ITGA4: variants seen among roughly 807,000 people sequenced by gnomAD.
ITGA4 encodes integrin subunit alpha 4, also known as integrin alpha-4.
ITGA4 carries 63 observed loss-of-function variants against 133.6 expected under a neutral mutation model. The observed-to-expected ratio is 0.47, with a 90% CI of 0.38 to 0.58. The LOEUF is 0.58. Ranked by LOEUF, ITGA4 falls within the 20% of genes least tolerant of loss-of-function variation. ITGA4 has a pLI of 0.00. For synonymous variants in ITGA4, 483 were observed against 438.0 expected, an observed-to-expected ratio of 1.10 and a Z score of -1.28; for missense variants, 1,076 against 1,252.7, an observed-to-expected ratio of 0.86 and a Z score of 2.13.
chr2:181,469,250 G>T (rs1048448233), intron 2 of ITGA4, among the ~76,000 whole-genome samples: 15 of 152,204 alleles, frequency 9.9e-5, no homozygotes, highest in Middle Eastern at 6.8e-3. Context: ...GGGAACAAAG[G>T]ATATTACTTT....
intron 2 of ITGA4, among the ~76,000 whole-genome samples, chr2:181,473,903 T>C (rs547116723): frequency 1.3e-5 from 2 of 152,158 alleles, no homozygotes; most frequent in Non-Finnish European, 2.9e-5. Flanking sequence ...AAAGTGCCAA[T>C]GATATAGAGA....
intron 2 of ITGA4, among the ~76,000 whole-genome samples, chr2:181,465,415 TTTTTTC>T (rs963001000): frequency 2.0e-5 from 3 of 152,070 alleles, no homozygotes; most frequent in South Asian, 2.1e-4. Flanking sequence ...ATTGCTGTCT[TTTTTTC>T]TTTTTCTTTT....
chr2:181,509,554 T>C, intron 15 of ITGA4, 104 bp from the exon 16 acceptor site: 2 of 697,974 alleles, frequency 2.9e-6, no homozygotes, highest in Non-Finnish European at 4.4e-6. Flanking sequence ...GTATTTGCTT[T>C]GTCTTCCATG....
intron 2 of ITGA4, among the ~76,000 whole-genome samples, chr2:181,472,648 G>A (rs1282485750): frequency 1.3e-5 from 2 of 152,128 alleles, no homozygotes; most frequent in Non-Finnish European, 2.9e-5. Flanking sequence ...AGTGAAAACT[G>A]AAAATTGTAT....
intron 17 of ITGA4, among the ~76,000 whole-genome samples, chr2:181,521,109 T>A (rs896875166): frequency 1.3e-5 from 2 of 152,208 alleles, no homozygotes; most frequent in Non-Finnish European, 1.5e-5. Context: ...TTATCTTTTT[T>A]ATCTATCCTC....
At chr2:181,466,069 T>G (rs780867472) in intron 2 of ITGA4, among the ~76,000 whole-genome samples, 7 of 152,112 alleles carry the variant, frequency 4.6e-5, no homozygotes, top group Non-Finnish European at 1.0e-4. Context: ...ATTTTTCAGC[T>G]TTAGTTATTA....
chr2:181,458,254 G>T lies in ITGA4; in HGVS notation c.256G>T (p.Gly86Trp). ...WLANASVINP[G>W]AIYRCRIGKN... ...CGCCAACGCTTCAGTGATCAATCCC[G>T]GGGCGATTTACAGATGCAGGATCGG... is the stretch of plus-strand genomic sequence containing the variant. The change falls in exon 2 of 28, where the codon GGG becomes TGG. Residue 86 changes from glycine to tryptophan, a missense_variant. Around this residue, in one of 4 missense-constraint regions of ITGA4, gnomAD observed 436 missense variants for 590.7 expected, o/e 0.74. Transcript: ENST00000397033. The T allele has an allele frequency of 6.2e-7, 1 of 1,613,504 alleles. No homozygotes were observed. Among genetic ancestry groups the T allele is most frequent in the Non-Finnish European group, 8.5e-7 (1 of 1,179,752 alleles).
intron 2 of ITGA4, among the ~76,000 whole-genome samples, chr2:181,468,970 T>C (rs1312135565): frequency 6.6e-6 from 1 of 152,210 alleles, no homozygotes; most frequent in Non-Finnish European, 1.5e-5. Context: ...TAAAGTACTT[T>C]TTCAATTATG....
intron 4 of ITGA4, among the ~76,000 whole-genome samples, chr2:181,476,455 A>C (rs1439417370): frequency 6.6e-6 from 1 of 152,176 alleles, no homozygotes; most frequent in African/African-American, 2.4e-5. Flanking sequence ...AATTTATTGA[A>C]GTTTTCTGCT....
chr2:181,464,993 A>G (rs1685377960), intron 2 of ITGA4, among the ~76,000 whole-genome samples: 2 of 152,150 alleles, frequency 1.3e-5, no homozygotes, highest in South Asian at 4.1e-4. Context: ...TATAATTCAC[A>G]AAAATGTTCA....
chr2:181,518,058 G>C (rs1281861490), intron 17 of ITGA4, among the ~76,000 whole-genome samples: 1 of 151,906 alleles, frequency 6.6e-6, no homozygotes, highest in Non-Finnish European at 1.5e-5. Flanking sequence ...TTTGGGGTGG[G>C]GGGGCAGGAT....
At position 181,524,366 on chromosome 2, in the gene ITGA4, G is replaced by A. The variant is rs181262020; in HGVS notation, c.2249+116G>A. The A allele has an allele frequency of 4.9e-4, 286 of 579,486 alleles. 2 individuals carry two copies. The highest frequency in any genetic ancestry group is 3.2e-3 in the Admixed American group (83 of 26,198). 35.9% of individuals were successfully genotyped at this position (579,486 alleles called of 1,614,324 possible). ...AATTGTAAGAGAAAACTTCTCTTAC[G>A]TGGTATGCTTTTAAAAGAACCAAAC... On this transcript the variant is annotated intron_variant, in intron 20 of 27. Coordinates refer to ENST00000397033, the MANE Select transcript of ITGA4 (RefSeq NM_000885.6).
At chr2:181,524,617 A>G (rs1686796345) in intron 20 of ITGA4, among the ~76,000 whole-genome samples, 1 of 152,216 alleles carries the variant, frequency 6.6e-6, no homozygotes, top group South Asian at 2.1e-4. Context: ...GTTAATGACT[A>G]TTTCATGAGT....
rs561312626 is a variant in ITGA4 at position 181,536,110 on chromosome 2, T to G, written c.*583T>G. The G allele has an allele frequency of 1.3e-5, 2 of 152,148 alleles. No individual in the cohort carries two copies. Among genetic ancestry groups the G allele is most frequent in the South Asian group, 4.1e-4 (2 of 4,822 alleles). 9.4% of individuals were successfully genotyped at this position (152,148 alleles called of 1,614,324 possible). Reference sequence around the variant, plus strand: ...TTTTTTTTCAGCAGACTATGAATATTATAGTATTATAGGCCAAACTGGCAA... The same window carrying G: ...TTTTTTTTCAGCAGACTATGAATATGATAGTATTATAGGCCAAACTGGCAA... On this transcript the variant is annotated 3_prime_UTR_variant, in exon 28 of 28. Transcript: ENST00000397033.
At chr2:181,484,998 A>G (rs1354891548) in intron 9 of ITGA4, among the ~76,000 whole-genome samples, 3 of 152,170 alleles carry the variant, frequency 2.0e-5, no homozygotes, top group Non-Finnish European at 4.4e-5. Context: ...AAAGTTTCAG[A>G]AGAGAACTGG....
At chr2:181,500,989 T>C (rs1267126020) in intron 15 of ITGA4, among the ~76,000 whole-genome samples, 2 of 152,052 alleles carry the variant, frequency 1.3e-5, no homozygotes, top group African/African-American at 4.8e-5. Context: ...AGCGGAGAAT[T>C]TTAAATAGGA....
At chr2:181,510,040 T>C (rs1365106992) in intron 16 of ITGA4, among the ~76,000 whole-genome samples, 2 of 152,082 alleles carry the variant, frequency 1.3e-5, no homozygotes, top group East Asian at 3.9e-4. Context: ...TATAAAATGC[T>C]GATGTTCTAT....
rs1430018581 is a variant in ITGA4, at chr2:181,537,800, T to C, written c.*2273T>C. The C allele has an allele frequency of 2.2e-6, 1 of 464,594 alleles. No homozygotes were observed. The highest frequency in any genetic ancestry group is 4.3e-6 in the Non-Finnish European group (1 of 235,152). The allele number at this position is 464,594 out of a possible 1,614,324, so 28.8% of individuals were successfully genotyped here. A position where few individuals can be genotyped will look rare whatever the true frequency, so the allele number is the denominator to read the frequency against. Reference sequence around the variant, plus strand: ...ATTTGAATTGATATTTCATCTTGACTTTTAAAGCCCTAGAGGCTAATTGTT... The same window carrying C: ...ATTTGAATTGATATTTCATCTTGACCTTTAAAGCCCTAGAGGCTAATTGTT... On this transcript the variant is annotated 3_prime_UTR_variant, in exon 28 of 28. Coordinates refer to ENST00000397033, the MANE Select transcript of ITGA4 (RefSeq NM_000885.6).
At chr2:181,484,947 A>G (rs752289511) in intron 9 of ITGA4, among the ~76,000 whole-genome samples, 16 of 152,192 alleles carry the variant, frequency 1.1e-4, no homozygotes, top group Non-Finnish European at 1.2e-4. Context: ...AATAAAGGAC[A>G]TGGCCTTTTT....
Sources: gnomAD v4.1 joint callset for allele counts (sites outside exome capture counted in the v4.1 genomes callset) on GRCh38, gnomAD v4.1.1 for gene constraint, gnomAD v4.1.1 regional missense constraint, MANE v1.5 for transcripts, NCBI Gene and HGNC (gene_info 2026-07-23, HGNC 2026-07-21) for gene names.